Variants in JARID2 observed in about 807,000 individuals in gnomAD.
JARID2 encodes jumonji and AT-rich interaction domain containing 2.
Under a neutral mutation model 125.6 loss-of-function variants are expected in JARID2, and 21 were observed. The ratio of observed to expected loss-of-function variants is 0.17; its 90% CI spans 0.12 to 0.24. JARID2 has a LOEUF of 0.24. Ranked by LOEUF, JARID2 falls within the 10% of genes least tolerant of loss-of-function variation. JARID2 has a pLI of 1.00. For missense variants in JARID2, 1,303 were observed against 1,639.6 expected, an observed-to-expected ratio of 0.79 and a Z score of 3.55; for synonymous variants, 736 against 661.6, an observed-to-expected ratio of 1.11 and a Z score of -1.73.
chr6:15,251,515 A>G (rs1472908408), intron 1 of JARID2, among the ~76,000 whole-genome samples: 2 of 152,156 alleles, frequency 1.3e-5, no homozygotes, highest in Non-Finnish European at 1.5e-5. Flanking sequence ...TGGCTGCAGT[A>G]TGTCCTGACT....
chr6:15,520,869 G>C lies in JARID2; in HGVS notation c.*618G>C, dbSNP rs575394250. The C allele has an allele frequency of 2.2e-6, 1 of 455,620 alleles. No individual in the cohort carries two copies. The highest frequency in any genetic ancestry group is 7.0e-5 in the East Asian group (1 of 14,374). The allele number at this position is 455,620 out of a possible 1,614,324, so 28.2% of individuals were successfully genotyped here. A position where few individuals can be genotyped will look rare whatever the true frequency, so the allele number is the denominator to read the frequency against. On this transcript the variant is annotated 3_prime_UTR_variant, in exon 18 of 18. Coordinates refer to ENST00000341776, the MANE Select transcript of JARID2 (RefSeq NM_004973.4). ...ATAGGTGGAACGAGGAGACGGGAGC[G>C]AGTGGGCTCTCCACCAGCACATCAC...
At chr6:15,323,360 G>A (rs1483170917) in intron 1 of JARID2, among the ~76,000 whole-genome samples, 1 of 152,208 alleles carries the variant, frequency 6.6e-6, no homozygotes, top group African/African-American at 2.4e-5. Context: ...CCCAGCCTGG[G>A]TGTGCTACAG....
chr6:15,428,607 A>G (rs1459729481), intron 3 of JARID2, among the ~76,000 whole-genome samples: 1 of 152,152 alleles, frequency 6.6e-6, no homozygotes, highest in Non-Finnish European at 1.5e-5. Context: ...AACTCATGCA[A>G]TGATAGAATC....
At chr6:15,275,709 C>T (rs1561762976) in intron 1 of JARID2, among the ~76,000 whole-genome samples, 1 of 152,162 alleles carries the variant, frequency 6.6e-6, no homozygotes, top group Admixed American at 6.5e-5. Context: ...TTCTCACCCA[C>T]TGAACCTTGC....
intron 5 of JARID2, among the ~76,000 whole-genome samples, chr6:15,476,667 A>C (rs1239767034): frequency 2.0e-5 from 3 of 152,198 alleles, no homozygotes; most frequent in African/African-American, 7.2e-5. Context: ...TTACAATAAC[A>C]ATGCTTCCAG....
chr6:15,342,891 T>G (rs894201771), intron 1 of JARID2, among the ~76,000 whole-genome samples: 1 of 152,210 alleles, frequency 6.6e-6, no homozygotes, highest in Admixed American at 6.5e-5. Flanking sequence ...AAGACGCCTT[T>G]ACTGAGTCCT....
chr6:15,493,015 G>A (rs559197313), intron 6 of JARID2, among the ~76,000 whole-genome samples: 2 of 152,192 alleles, frequency 1.3e-5, no homozygotes, highest in African/African-American at 4.8e-5. Flanking sequence ...TGTAAACAAG[G>A]TGTTCCTTTT....
chr6:15,493,121 A>G (rs186285614), intron 6 of JARID2, among the ~76,000 whole-genome samples: 127 of 152,152 alleles, frequency 8.3e-4, no homozygotes, highest in African/African-American at 3.0e-3. Flanking sequence ...CCGAGAAGCC[A>G]GAATGGATGG....
intron 2 of JARID2, among the ~76,000 whole-genome samples, chr6:15,374,872 AT>A (rs2127517054): frequency 6.6e-6 from 1 of 152,330 alleles, no homozygotes; most frequent in African/African-American, 2.4e-5. Context: ...GAGGACAAAC[AT>A]TTGCTTGTAG....
rs919483370 is a variant in JARID2, at chr6:15,448,741, G to C, written c.324-3265G>C. Among the ~76,000 whole-genome samples, 12 of 152,114 alleles carry C rather than the reference G, an allele frequency of 7.9e-5. 1 individual carries two copies. Among genetic ancestry groups the C allele is most frequent in the Non-Finnish European group, 1.6e-4 (11 of 68,028 alleles). On this transcript the variant is annotated intron_variant, in intron 3 of 17. Transcript: ENST00000341776. ...GTTGGGTCAGTCTACCTGGCAGCTG[G>C]TTGGAATGTGGACCAAGGGTTCTGT...
At chr6:15,383,357 T>C (rs1343499084) in intron 2 of JARID2, among the ~76,000 whole-genome samples, 1 of 151,906 alleles carries the variant, frequency 6.6e-6, no homozygotes, top group Non-Finnish European at 1.5e-5. Flanking sequence ...CTCTAGTTTC[T>C]TTGCGGATGA....
At chr6:15,422,065 C>G (rs911326599) in intron 3 of JARID2, among the ~76,000 whole-genome samples, 4 of 152,188 alleles carry the variant, frequency 2.6e-5, no homozygotes, top group African/African-American at 9.7e-5. Context: ...TTGAGCAGAA[C>G]CTACAGCTCC....
Position 15,500,951 on chromosome 6 carries a change from G to A in JARID2, c.1990G>A (p.Glu664Lys). ...GGCCTGCTTTTTCCGGCTGATTAAT[G>A]AGATGGGCGGCATGCAGCAAGTGAC... is the stretch of plus-strand genomic sequence containing the variant. ...DLACFFRLIN[E>K]MGGMQQVTDL... The change falls in exon 8 of 18, where the codon GAG becomes AAG. Residue 664 changes from glutamate (E) to lysine (K), a missense_variant. Around this residue, in one of 11 missense-constraint regions of JARID2, gnomAD observed 64 missense variants for 166.8 expected, o/e 0.38. Coordinates refer to ENST00000341776, the MANE Select transcript of JARID2 (RefSeq NM_004973.4). 6.2e-7 allele frequency: 1 copy of A among 1,613,612 alleles called. No homozygotes were observed. The highest frequency in any genetic ancestry group is 8.5e-7 in the Non-Finnish European group (1 of 1,179,662).
chr6:15,398,667 C>T (rs994601385), intron 2 of JARID2, among the ~76,000 whole-genome samples: 4 of 152,138 alleles, frequency 2.6e-5, no homozygotes, highest in African/African-American at 9.7e-5. Context: ...GAAGTAATGA[C>T]GATGGTCAGG....
intron 1 of JARID2, among the ~76,000 whole-genome samples, chr6:15,285,472 G>A (rs1177979197): frequency 6.6e-6 from 1 of 152,018 alleles, no homozygotes. Flanking sequence ...ATTACAATAT[G>A]GGAAGTCAGT....
chr6:15,430,025 A>G (rs1766903452), intron 3 of JARID2, among the ~76,000 whole-genome samples: 1 of 152,204 alleles, frequency 6.6e-6, no homozygotes, highest in African/African-American at 2.4e-5. Context: ...AGAGAAGGCA[A>G]AATTCCATCT....
rs9464780 is a variant in JARID2, at chr6:15,267,525, A to C, written c.45+20941A>C. 3.5e-3 allele frequency among the ~76,000 whole-genome samples: 528 copies of C among 152,320 alleles called. 3 individuals carry two copies. Among genetic ancestry groups the C allele is most frequent in the African/African-American group, 0.012 (506 of 41,558 alleles). On this transcript the variant is annotated intron_variant, in intron 1 of 17. Transcript: ENST00000341776. ...TTAGAATCAGGTTTCAAATTATAGT[A>C]ACATGTAGACAGACTCTGAATGCTC...
At chr6:15,505,353 T>G (rs952111339) in intron 9 of JARID2, 1 of 151,362 alleles carries the variant, frequency 6.6e-6, no homozygotes, top group African/African-American at 2.4e-5. Flanking sequence ...CTGTGTTTTT[T>G]TTTTTTTTTT....
chr6:15,481,112 C>A (rs1201393339), intron 5 of JARID2, among the ~76,000 whole-genome samples: 1 of 152,210 alleles, frequency 6.6e-6, no homozygotes, highest in Non-Finnish European at 1.5e-5. Context: ...GCAAATCTTA[C>A]CTTCTCAGGG....
Sources: gnomAD v4.1 joint callset for allele counts (sites outside exome capture counted in the v4.1 genomes callset) on GRCh38, gnomAD v4.1.1 for gene constraint, gnomAD v4.1.1 regional missense constraint, MANE v1.5 for transcripts, NCBI Gene and HGNC (gene_info 2026-07-23, HGNC 2026-07-21) for gene names.